WDFY4: variants seen among roughly 807,000 people sequenced by gnomAD.
WDFY4 encodes WDFY family member 4.
WDFY4 carries 169 observed loss-of-function variants against 351.9 expected under a neutral mutation model. That is an observed-to-expected ratio of 0.48 (90% confidence interval 0.42 to 0.55). The LOEUF (loss-of-function observed/expected upper bound fraction) is 0.55. Ranked by LOEUF, WDFY4 falls within the 20% of genes least tolerant of loss-of-function variation. The pLI is 0.00. For synonymous variants in WDFY4, 1,622 were observed against 1,574.6 expected (o/e 1.03, Z -0.71); for missense variants, 3,803 against 3,935.6 (o/e 0.97, Z 0.90).
At chr10:48,941,940 C>T in intron 48 of WDFY4, 92 bp downstream of exon 48, 1 of 1,184,392 alleles carries the variant, frequency 8.4e-7, no homozygotes. Flanking sequence ...TGTGGATCAA[C>T]CAAGAAGGGA....
At chr10:48,958,525 A>C (rs1015676168) in intron 52 of WDFY4, among the ~76,000 whole-genome samples, 1 of 152,136 alleles carries the variant, frequency 6.6e-6, no homozygotes, top group African/African-American at 2.4e-5. Flanking sequence ...TCCTACCAGC[A>C]ATGGAGGCCA....
At chr10:48,729,693 G>A in intron 8 of WDFY4, 104 bp downstream of exon 8, 1 of 1,394,626 alleles carries the variant, frequency 7.2e-7, no homozygotes, top group Admixed American at 2.5e-5. Context: ...CAATGGTGCA[G>A]TAGGCTCTGA....
At chr10:48,750,401 C>A (rs899545058) in intron 12 of WDFY4, among the ~76,000 whole-genome samples, 3 of 152,204 alleles carry the variant, frequency 2.0e-5, no homozygotes, top group Non-Finnish European at 4.4e-5. Flanking sequence ...AGCCATGCAG[C>A]CATGTTTCAG....
chr10:48,943,279 G>A (rs1347338095), intron 48 of WDFY4, 51 bp from the exon 49 acceptor site: 3 of 1,542,898 alleles, frequency 1.9e-6, no homozygotes, highest in African/African-American at 1.4e-5. Context: ...CCATGGCTTT[G>A]CAGGAGCATC....
At chr10:48,750,959 C>T (rs1339520380) in intron 12 of WDFY4, among the ~76,000 whole-genome samples, 1 of 152,196 alleles carries the variant, frequency 6.6e-6, no homozygotes, top group Non-Finnish European at 1.5e-5. Context: ...ATGGACAGGA[C>T]AGGAGGAAAG....
intron 47 of WDFY4, chr10:48,913,361 C>T: frequency 6.3e-6 from 10 of 1,593,290 alleles, no homozygotes; most frequent in Non-Finnish European, 8.5e-6. Context: ...TCTCTCTTTC[C>T]CTTCTGCCTC....
chr10:48,728,268 A>G (rs760503771), intron 7 of WDFY4, among the ~76,000 whole-genome samples: 4 of 152,176 alleles, frequency 2.6e-5, no homozygotes, highest in Non-Finnish European at 5.9e-5. Flanking sequence ...TCCTTGAAAC[A>G]TGGGAAACCC....
intron 43 of WDFY4, chr10:48,878,062 T>C (rs1160712287): frequency 6.6e-6 from 1 of 152,218 alleles, no homozygotes; most frequent in Non-Finnish European, 1.5e-5. Flanking sequence ...TGCTCAGGCT[T>C]AAATGGGCCA....
chr10:48,968,647 G>A (rs942969881), intron 55 of WDFY4: 1 of 187,752 alleles, frequency 5.3e-6, no homozygotes, highest in Non-Finnish European at 1.1e-5. Flanking sequence ...CACATTGAAA[G>A]GGGCATGGTT....
chr10:48,923,510 A>G (rs1839301990), intron 47 of WDFY4, among the ~76,000 whole-genome samples: 1 of 146,820 alleles, frequency 6.8e-6, no homozygotes, highest in African/African-American at 2.5e-5. Flanking sequence ...ATATATATAT[A>G]TATGTCCCAA....
In WDFY4 at chr10:48,796,388, G is replaced by A; in HGVS notation, c.4348G>A (p.Gly1450Ser). The A allele has an allele frequency of 1.3e-6, 2 of 1,552,182 alleles. No homozygotes were observed. Residue 1450 changes from glycine to serine, a missense_variant, in exon 24 of 62, where the codon GGC (glycine) becomes AGC (serine). Physicochemically the swap from Gly to Ser is moderately conservative, Grantham distance 56. Coordinates refer to ENST00000325239, the MANE Select transcript of WDFY4 (RefSeq NM_001394531.1). ...ILSVAGTVEL[G>S]FRSSAITNTG... ...CTCAGTGGCTGGCACTGTGGAGCTG[G>A]GCTTCAGGTCATCTGCTATCACCAA...
chr10:48,926,221 C>T (rs10745289), intron 47 of WDFY4, among the ~76,000 whole-genome samples: 94,534 of 152,068 alleles, frequency 0.62, 30,216 homozygotes, highest in East Asian at 1. Context: ...CACTTCTGCA[C>T]AGGAGTTTAA....
At chr10:48,956,169 A>C (rs1250145409) in intron 51 of WDFY4, among the ~76,000 whole-genome samples, 1 of 152,210 alleles carries the variant, frequency 6.6e-6, no homozygotes, top group East Asian at 1.9e-4. Context: ...GACAATTCAC[A>C]TGAGAGAATC....
chr10:48,981,234 C>T, intron 60 of WDFY4, 133 bp from the exon 61 acceptor site: 2 of 720,670 alleles, frequency 2.8e-6, no homozygotes, highest in South Asian at 1.9e-5. Context: ...AATATATTTC[C>T]CCCTCAATTT....
At chr10:48,880,370 G>A (rs899728309) in intron 43 of WDFY4, among the ~76,000 whole-genome samples, 1 of 152,208 alleles carries the variant, frequency 6.6e-6, no homozygotes, top group Non-Finnish European at 1.5e-5. Context: ...GAAGCCCCCA[G>A]GTGACTGACT....
chr10:48,895,103 A>G (rs1837008428), intron 44 of WDFY4, among the ~76,000 whole-genome samples: 1 of 152,204 alleles, frequency 6.6e-6, no homozygotes, highest in South Asian at 2.1e-4. Flanking sequence ...GCAACCTCAA[A>G]GCCCAGCTGT....
At chr10:48,980,588 T>G (rs1477887200) in intron 60 of WDFY4, among the ~76,000 whole-genome samples, 1 of 152,214 alleles carries the variant, frequency 6.6e-6, no homozygotes, top group East Asian at 1.9e-4. Context: ...AAAAAGTGCT[T>G]GGGAGAAGCT....
chr10:48,729,394 T>G lies in WDFY4; in HGVS notation c.972-38T>G, dbSNP rs1361705889. On this transcript the variant is annotated intron_variant, in intron 7 of 61. Transcript: ENST00000325239. ...CATGCACGCATGTGGCTGCTCCATCTAGGAAGTACAGGGAGCTGGCCTCAT... is the reference window on the plus strand; with the variant it reads ...CATGCACGCATGTGGCTGCTCCATCGAGGAAGTACAGGGAGCTGGCCTCAT... The G allele has an allele frequency of 3.9e-6, 6 of 1,547,618 alleles. No homozygotes were observed. The East Asian group carries it at 7.3e-5, about 19-fold the overall frequency.
At chr10:48,747,905 A>T (rs2065062328) in intron 12 of WDFY4, among the ~76,000 whole-genome samples, 1 of 152,252 alleles carries the variant, frequency 6.6e-6, no homozygotes, top group South Asian at 2.1e-4. Flanking sequence ...GATTCCATAG[A>T]AACCATCCTC....
Sources: allele counts gnomAD v4.1 joint callset (sites outside exome capture counted in the v4.1 genomes callset), GRCh38; gene constraint gnomAD v4.1.1; transcripts MANE v1.5; gene names NCBI Gene and HGNC (gene_info 2026-07-23, HGNC 2026-07-21).